YWHAQ: variants seen among roughly 807,000 people sequenced by gnomAD.
YWHAQ encodes tyrosine 3-monooxygenase/tryptophan 5-monooxygenase activation protein theta.
In YWHAQ, 6 loss-of-function variants were observed where a neutral mutation model predicts 28.3. The ratio of observed to expected loss-of-function variants is 0.21; its 90% CI spans 0.12 to 0.42. The LOEUF is 0.42. Ranked by LOEUF, YWHAQ falls within the 10% of genes least tolerant of loss-of-function variation. YWHAQ has a pLI of 1.00. For missense variants in YWHAQ, 201 were observed against 305.6 expected, an observed-to-expected ratio of 0.66 and a Z score of 2.55; for synonymous variants, 143 against 119.1, an observed-to-expected ratio of 1.20 and a Z score of -1.31.
chr2:9,630,058 G>C lies in YWHAQ; in HGVS notation c.294+101C>G. On this transcript the variant is annotated intron_variant, in intron 2 of 5. Transcript: ENST00000238081. The surrounding 1 kb of genome is among the most constrained non-coding windows in gnomAD (Gnocchi z 5.6). ...CTAAAACCCTCCACCCCAGCAGACA[G>C]TCCGGCAAGCCCCGGCTCACGTTTG... is the stretch of plus-strand genomic sequence containing the variant. 1 of 1,487,364 alleles carries C rather than the reference G, an allele frequency of 6.7e-7. No individual in the cohort carries two copies. Among genetic ancestry groups the C allele is most frequent in the South Asian group, 1.3e-5 (1 of 79,026 alleles). The allele number at this position is 1,487,364 out of a possible 1,614,324, so 92.1% of individuals were successfully genotyped here. A position where few individuals can be genotyped will look rare whatever the true frequency, so the allele number is the denominator to read the frequency against.
At chr2:9,624,101 C>G (rs1266788664) in intron 2 of YWHAQ, among the ~76,000 whole-genome samples, 2 of 151,998 alleles carry the variant, frequency 1.3e-5, no homozygotes, top group Non-Finnish European at 2.9e-5. Context: ...ACAAAAAATA[C>G]AAAAATTAGC....
chr2:9,624,880 T>C (rs1667217872), intron 2 of YWHAQ, among the ~76,000 whole-genome samples: 1 of 151,690 alleles, frequency 6.6e-6, no homozygotes, highest in Admixed American at 6.6e-5. Flanking sequence ...GTAACTGGGA[T>C]TACAGGTGCC....
At chr2:9,624,164 G>A (rs1197238614) in intron 2 of YWHAQ, among the ~76,000 whole-genome samples, 1 of 152,204 alleles carries the variant, frequency 6.6e-6, no homozygotes, top group Non-Finnish European at 1.5e-5. Flanking sequence ...GCTGAGGTGG[G>A]AGGATGGCTC....
intron 2 of YWHAQ, among the ~76,000 whole-genome samples, chr2:9,618,008 A>C (rs1281135075): frequency 2.0e-5 from 3 of 152,198 alleles, no homozygotes; most frequent in Non-Finnish European, 4.4e-5. Flanking sequence ...AGCCAGACAC[A>C]AAACACTACA....
chr2:9,587,354 TA>T, intron 5 of YWHAQ, 59 bp downstream of exon 5: 1 of 1,481,816 alleles, frequency 6.7e-7, no homozygotes, highest in Non-Finnish European at 9.2e-7. Context: ...AAGTCCAAAA[TA>T]AAATATAAAT....
intron 2 of YWHAQ, among the ~76,000 whole-genome samples, chr2:9,611,729 G>A (rs976173794): frequency 1.3e-5 from 2 of 152,084 alleles, no homozygotes; most frequent in Admixed American, 6.6e-5. Flanking sequence ...GGAATGCAGT[G>A]GTGCGATGTC....
Position 9,588,180 on chromosome 2 carries a change from G to A in YWHAQ, c.567C>T (p.Cys189=). Residue 189 remains cysteine (C), a synonymous_variant, in exon 4 of 6, where the codon TGC becomes TGT. Coordinates refer to ENST00000238081, the MANE Select transcript of YWHAQ (RefSeq NM_006826.4). ...YEILNNPELA[C]TLAKTAFDEA... is the part of the protein sequence containing the mutation. ...CACATCTTACCGTTTTAGCCAGCGT[G>A]CAGGCAAGCTCTGGGTTATTAAGAA... 1.3e-6 allele frequency: 2 copies of A among 1,568,614 alleles called. No individual in the cohort carries two copies. Among genetic ancestry groups the A allele is most frequent in the Non-Finnish European group, 8.6e-7 (1 of 1,165,506 alleles).
In YWHAQ at chr2:9,630,176, T is replaced by A. The variant is rs369852702; in HGVS notation, c.277A>T (p.Ile93Phe). 6.2e-7 allele frequency: 1 copy of A among 1,613,564 alleles called. No individual in the cohort carries two copies. The highest frequency in any genetic ancestry group is 1.3e-5 in the African/African-American group (1 of 74,936). ...GGACTCACCAGCACCGTGGTGCAGA[T>A]GGATCTCAGCTCGGACTCCACTTTC... ...REKVESELRSICTTVLELLDK... is the reference protein window; with the variant it reads ...REKVESELRSFCTTVLELLDK... Residue 93 changes from isoleucine to phenylalanine, a missense_variant, in exon 2 of 6, where the codon ATC (isoleucine) becomes TTC (phenylalanine). Coordinates refer to ENST00000238081, the MANE Select transcript of YWHAQ (RefSeq NM_006826.4). This position sits in a 1 kb window ranked among gnomAD's most constrained non-coding sequence, Gnocchi z 5.6.
At chr2:9,596,364 T>C (rs1159431760) in intron 2 of YWHAQ, among the ~76,000 whole-genome samples, 1 of 152,212 alleles carries the variant, frequency 6.6e-6, no homozygotes, top group African/African-American at 2.4e-5. Flanking sequence ...CAAAATTCTG[T>C]AACACTCAAC....
At position 9,605,723 on chromosome 2, in the gene YWHAQ, GC is replaced by G. The variant is rs1666812728; in HGVS notation, c.295-14209del. On this transcript the variant is annotated intron_variant, in intron 2 of 5. Transcript: ENST00000238081. ...CTACAGGTGTGCACCACCATGACCG[GC>G]TAATTTTTTTTTTTTTTTGGTAGAG... Among the ~76,000 whole-genome samples, 5 of 148,778 alleles carry G rather than the reference GC, an allele frequency of 3.4e-5. No homozygotes were observed. In the South Asian group the frequency reaches 1.1e-3, roughly 32 times the overall value.
chr2:9,609,358 C>T (rs898054319), intron 2 of YWHAQ, among the ~76,000 whole-genome samples: 1 of 151,818 alleles, frequency 6.6e-6, no homozygotes, highest in Non-Finnish European at 1.5e-5. Flanking sequence ...CAACAAAAGG[C>T]ATATTTGAAT....
intron 3 of YWHAQ, among the ~76,000 whole-genome samples, chr2:9,588,793 T>G (rs1477041058): frequency 6.6e-6 from 1 of 151,378 alleles, no homozygotes; most frequent in Non-Finnish European, 1.5e-5. Flanking sequence ...ACAAAAACAA[T>G]ATTGTGTACT....
intron 2 of YWHAQ, among the ~76,000 whole-genome samples, chr2:9,595,114 G>A (rs1408953365): frequency 2.0e-5 from 3 of 152,144 alleles, no homozygotes; most frequent in Non-Finnish European, 2.9e-5. Context: ...ATGGTTCTTT[G>A]TCAGATGCCA....
chr2:9,585,444 C>T, intron 5 of YWHAQ, 99 bp from the exon 6 acceptor site: 2 of 1,316,764 alleles, frequency 1.5e-6, no homozygotes. Context: ...GTAGTAAATT[C>T]CTCAAACAAT....
At chr2:9,626,042 A>G (rs17453752) in intron 2 of YWHAQ, among the ~76,000 whole-genome samples, 24,046 of 152,242 alleles carry the variant, frequency 0.16, 2,374 homozygotes, top group Middle Eastern at 0.24. Context: ...AAATTCAAGC[A>G]TACTACTCAA....
rs1353639482 is a variant in YWHAQ, at chr2:9,591,425, G to C, written c.385C>G (p.Leu129Val). Residue 129 changes from leucine to valine, a missense_variant, in exon 3 of 6, where the codon CTT becomes GTT. This residue lies in a region of YWHAQ where 162 missense variants were observed against 213.9 expected (regional missense o/e 0.76). Coordinates refer to ENST00000238081, the MANE Select transcript of YWHAQ (RefSeq NM_006826.4). ...TCATCACCACACGCAACTTCAGCAA[G>C]GTACCGGAAGTAATCACCCTTCATT... is the stretch of plus-strand genomic sequence containing the variant. ...LKMKGDYFRY[L>V]AEVACGDDRK... 3 of 1,612,564 alleles carry C rather than the reference G, an allele frequency of 1.9e-6. No homozygotes were observed. In the South Asian group the frequency reaches 3.3e-5, roughly 18 times the overall value.
intron 2 of YWHAQ, among the ~76,000 whole-genome samples, chr2:9,594,784 T>G (rs1396742811): frequency 2.0e-5 from 3 of 152,160 alleles, no homozygotes; most frequent in African/African-American, 7.2e-5. Flanking sequence ...CTGAGAAAAG[T>G]CTGACTAGAA....
At chr2:9,591,034 A>G (rs1666445332) in intron 3 of YWHAQ, among the ~76,000 whole-genome samples, 1 of 152,250 alleles carries the variant, frequency 6.6e-6, no homozygotes, top group Non-Finnish European at 1.5e-5. Context: ...GTTTTAAGGC[A>G]TAATAGAAAG....
intron 2 of YWHAQ, among the ~76,000 whole-genome samples, chr2:9,626,554 G>A (rs56799156): frequency 1.7e-3 from 265 of 152,262 alleles, no homozygotes; most frequent in African/African-American, 5.5e-3. Flanking sequence ...TCGGCCTCCC[G>A]AGTAGCTGGA....
Sources: allele counts gnomAD v4.1 joint callset (sites outside exome capture counted in the v4.1 genomes callset), GRCh38; gene constraint gnomAD v4.1.1; regional missense constraint gnomAD v4.1.1; non-coding constraint Gnocchi (gnomAD v3.1); transcripts MANE v1.5; gene names NCBI Gene and HGNC (gene_info 2026-07-23, HGNC 2026-07-21).